SYNDIG1: variants seen among roughly 807,000 people sequenced by gnomAD.
SYNDIG1 encodes the protein synapse differentiation inducing 1.
SYNDIG1 carries 9 observed loss-of-function variants against 19.4 expected under a neutral mutation model. That is an observed-to-expected ratio of 0.46 (90% confidence interval 0.28 to 0.81). The LOEUF is 0.81. Among genes scored for constraint, SYNDIG1 ranks in the 30% least tolerant of loss-of-function variants. The pLI is 0.12. For missense variants in SYNDIG1, 311 were observed against 343.3 expected (o/e 0.91, Z 0.74); for synonymous variants, 141 against 145.9 (o/e 0.97, Z 0.24).
intron 2 of SYNDIG1, among the ~76,000 whole-genome samples, chr20:24,572,653 A>G (rs920500900): frequency 2.0e-5 from 3 of 152,182 alleles, no homozygotes; most frequent in Non-Finnish European, 2.9e-5. Flanking sequence ...AGAGATGGCC[A>G]CTGGCCTCTT....
chr20:24,533,621 T>C (rs1038421898), intron 1 of SYNDIG1, among the ~76,000 whole-genome samples: 1 of 151,782 alleles, frequency 6.6e-6, no homozygotes, highest in African/African-American at 2.4e-5. Flanking sequence ...GTACAGCAAG[T>C]TGATCTCTGG....
At chr20:24,638,441 A>C (rs896862028) in intron 3 of SYNDIG1, among the ~76,000 whole-genome samples, 15 of 152,182 alleles carry the variant, frequency 9.9e-5, no homozygotes, top group Non-Finnish European at 2.1e-4. Flanking sequence ...TGCATCCTCC[A>C]CCTCCTGAGC....
intron 3 of SYNDIG1, among the ~76,000 whole-genome samples, chr20:24,649,981 A>G (rs1473990710): frequency 6.6e-6 from 1 of 152,258 alleles, no homozygotes; most frequent in Non-Finnish European, 1.5e-5. Flanking sequence ...TCTTTAATAC[A>G]TTTTGTGCAA....
intron 3 of SYNDIG1, among the ~76,000 whole-genome samples, chr20:24,627,400 G>T (rs957024371): frequency 2.6e-5 from 4 of 152,164 alleles, no homozygotes; most frequent in African/African-American, 7.2e-5. Flanking sequence ...ATGAAAAACT[G>T]TTGATGCCTG....
At chr20:24,657,704 G>A (rs549066099) in intron 3 of SYNDIG1, among the ~76,000 whole-genome samples, 37 of 152,238 alleles carry the variant, frequency 2.4e-4, no homozygotes, top group Admixed American at 3.9e-4. Context: ...GAAGCCTCCC[G>A]TTCCTATAGT....
intron 1 of SYNDIG1, among the ~76,000 whole-genome samples, chr20:24,536,271 G>C (rs1007644431): frequency 9.9e-5 from 15 of 152,162 alleles, no homozygotes; most frequent in Admixed American, 9.8e-4. Context: ...GAAATTACCG[G>C]GGAGCCACAT....
At chr20:24,522,328 C>T (rs1439868009) in intron 1 of SYNDIG1, among the ~76,000 whole-genome samples, 3 of 152,136 alleles carry the variant, frequency 2.0e-5, no homozygotes, top group African/African-American at 4.8e-5. Context: ...TAGCTCCAAG[C>T]GATCCTCCCA....
At chr20:24,492,176 C>CCA (rs57662517) in intron 1 of SYNDIG1, among the ~76,000 whole-genome samples, 68,776 of 151,890 alleles carry the variant, frequency 0.45, 16,544 homozygotes, top group African/African-American at 0.62. Context: ...AGAGCCTTCT[C>CCA]TCCACACCCC....
At chr20:24,574,205 C>T (rs964646144) in intron 2 of SYNDIG1, among the ~76,000 whole-genome samples, 2 of 151,856 alleles carry the variant, frequency 1.3e-5, no homozygotes, top group African/African-American at 2.4e-5. Flanking sequence ...AGGCGGGGCA[C>T]GGTGGCTCAC....
intron 1 of SYNDIG1, among the ~76,000 whole-genome samples, chr20:24,505,270 C>T (rs935436646): frequency 2.0e-5 from 3 of 152,106 alleles, no homozygotes; most frequent in South Asian, 2.1e-4. Context: ...GCCAAGGGTG[C>T]GCAGCCAGGG....
intron 1 of SYNDIG1, among the ~76,000 whole-genome samples, chr20:24,506,338 A>C (rs2070066479): frequency 6.6e-6 from 1 of 152,216 alleles, no homozygotes; most frequent in Non-Finnish European, 1.5e-5. Context: ...CCACATACCC[A>C]AAAAGGGAAA....
At chr20:24,621,692 T>A (rs1281251720) in intron 3 of SYNDIG1, among the ~76,000 whole-genome samples, 4 of 152,176 alleles carry the variant, frequency 2.6e-5, no homozygotes, top group Non-Finnish European at 4.4e-5. Context: ...GAATGATACT[T>A]GATCAGATCA....
intron 1 of SYNDIG1, among the ~76,000 whole-genome samples, chr20:24,539,756 A>T (rs954092418): frequency 7.6e-6 from 1 of 131,268 alleles, no homozygotes. Flanking sequence ...AATTTTTTTC[A>T]GCAGTGTTTT....
intron 3 of SYNDIG1, among the ~76,000 whole-genome samples, chr20:24,630,610 G>T (rs2059225421): frequency 6.6e-6 from 1 of 152,214 alleles, no homozygotes; most frequent in South Asian, 2.1e-4. Context: ...GGGTGGGCCT[G>T]AGCCCCTCTG....
chr20:24,556,098 G>A (rs1272454928), intron 2 of SYNDIG1, among the ~76,000 whole-genome samples: 2 of 152,096 alleles, frequency 1.3e-5, no homozygotes, highest in African/African-American at 4.8e-5. Flanking sequence ...TTGGTTTAAA[G>A]TCTGTTTTAT....
chr20:24,666,410 T>C lies in SYNDIG1; in HGVS notation c.*906T>C, dbSNP rs911251180. 6.6e-6 allele frequency: 1 copy of C among 152,654 alleles called. No individual in the cohort carries two copies. The highest frequency in any genetic ancestry group is 1.5e-5 in the Non-Finnish European group (1 of 68,040). The allele number at this position is 152,654 out of a possible 1,614,324, so 9.5% of individuals were successfully genotyped here. A position where few individuals can be genotyped will look rare whatever the true frequency, so the allele number is the denominator to read the frequency against. ...GTGATCCTGGAAATGAGATGGGCCT[T>C]ACTCTGTCGACTAAATGAATAGCTA... On this transcript the variant is annotated 3_prime_UTR_variant, in exon 4 of 4. Coordinates refer to ENST00000376862, the MANE Select transcript of SYNDIG1 (RefSeq NM_024893.3).
chr20:24,541,363 T>C (rs913064), intron 1 of SYNDIG1, among the ~76,000 whole-genome samples: 6 of 152,236 alleles, frequency 3.9e-5, no homozygotes, highest in Admixed American at 3.3e-4. Flanking sequence ...TCACCTGATA[T>C]TCACCACGAC....
intron 1 of SYNDIG1, among the ~76,000 whole-genome samples, chr20:24,511,746 T>C (rs2056747531): frequency 6.6e-6 from 1 of 152,124 alleles, no homozygotes; most frequent in Admixed American, 6.6e-5. Flanking sequence ...AAAATTGCTA[T>C]GTTATGCAGC....
At chr20:24,545,052 G>T (rs75842734) in intron 2 of SYNDIG1, among the ~76,000 whole-genome samples, 1 of 152,160 alleles carries the variant, frequency 6.6e-6, no homozygotes, top group Admixed American at 6.5e-5. Flanking sequence ...TAGAAAGGCC[G>T]GAGAAATTGC....
Sources: allele counts gnomAD v4.1 joint callset (sites outside exome capture counted in the v4.1 genomes callset), GRCh38; gene constraint gnomAD v4.1.1; transcripts MANE v1.5; gene names NCBI Gene and HGNC (gene_info 2026-07-23, HGNC 2026-07-21).